The following XKR4 variants were observed in gnomAD, a reference collection of about 807,000 sequenced individuals.
XKR4 encodes the protein XK-related protein 4.
XKR4 carries 12 observed loss-of-function variants against 53.9 expected under a neutral mutation model. The ratio of observed to expected loss-of-function variants is 0.22; its 90% CI spans 0.14 to 0.36. The LOEUF (loss-of-function observed/expected upper bound fraction) is 0.36, where lower values mean the gene tolerates loss of function less well. Among genes scored for constraint, XKR4 ranks in the 10% least tolerant of loss-of-function variants. XKR4 has a pLI of 1.00. For missense variants in XKR4, 799 were observed against 859.5 expected (o/e 0.93, Z 0.88); for synonymous variants, 354 against 362.4 (o/e 0.98, Z 0.26).
intron 2 of XKR4, among the ~76,000 whole-genome samples, chr8:55,419,525 C>T (rs1014581068): frequency 4.6e-5 from 7 of 152,198 alleles, no homozygotes; most frequent in African/African-American, 1.7e-4. Context: ...GTTGTTACTA[C>T]TGAAATTGTA....
At chr8:55,398,748 T>A (rs1804558691) in intron 2 of XKR4, among the ~76,000 whole-genome samples, 1 of 152,192 alleles carries the variant, frequency 6.6e-6, no homozygotes, top group East Asian at 1.9e-4. Context: ...GAAACAGGAC[T>A]TGATAGCAAA....
intron 1 of XKR4, among the ~76,000 whole-genome samples, chr8:55,205,970 G>A (rs559357806): frequency 1.3e-5 from 2 of 152,294 alleles, no homozygotes; most frequent in South Asian, 4.2e-4. Flanking sequence ...GACTTCAGGA[G>A]TCAAGCCACA....
intron 1 of XKR4, among the ~76,000 whole-genome samples, chr8:55,118,068 A>T (rs1816334567): frequency 1.3e-5 from 2 of 152,148 alleles, no homozygotes; most frequent in African/African-American, 4.8e-5. Flanking sequence ...TACCTTATTG[A>T]ATATCTGCGT....
intron 2 of XKR4, among the ~76,000 whole-genome samples, chr8:55,406,092 A>G (rs1804678361): frequency 1.3e-5 from 2 of 152,364 alleles, no homozygotes; most frequent in Admixed American, 1.3e-4. Flanking sequence ...CTCTGAGTGT[A>G]TGAAATCTGA....
At chr8:55,377,958 G>A (rs554759919) in intron 2 of XKR4, among the ~76,000 whole-genome samples, 5 of 152,324 alleles carry the variant, frequency 3.3e-5, no homozygotes, top group East Asian at 3.9e-4. Context: ...TTGTGTGCGC[G>A]TAATACCTAT....
At chr8:55,413,202 C>T (rs531079427) in intron 2 of XKR4, among the ~76,000 whole-genome samples, 17 of 152,276 alleles carry the variant, frequency 1.1e-4, no homozygotes, top group East Asian at 5.8e-4. Flanking sequence ...ATTGATCCTA[C>T]GACAGACATA....
intron 2 of XKR4, among the ~76,000 whole-genome samples, chr8:55,437,856 T>C (rs569290640): frequency 6.6e-6 from 1 of 151,744 alleles, no homozygotes; most frequent in Admixed American, 6.6e-5. Flanking sequence ...GTGTAAATAA[T>C]CATGGCCATC....
intron 1 of XKR4, among the ~76,000 whole-genome samples, chr8:55,137,784 C>G (rs906097042): frequency 2.0e-5 from 3 of 151,966 alleles, no homozygotes; most frequent in African/African-American, 7.3e-5. Context: ...TCTGCCCAGG[C>G]TGGTCTCAAA....
At chr8:55,506,991 G>A (rs1054171172) in intron 2 of XKR4, among the ~76,000 whole-genome samples, 1 of 152,086 alleles carries the variant, frequency 6.6e-6, no homozygotes, top group Non-Finnish European at 1.5e-5. Flanking sequence ...TAGGGTTGTG[G>A]TGTCACTTTT....
At chr8:55,282,161 A>G (rs1489718140) in intron 1 of XKR4, among the ~76,000 whole-genome samples, 1 of 152,226 alleles carries the variant, frequency 6.6e-6, no homozygotes, top group Admixed American at 6.5e-5. Context: ...TAATGATAAT[A>G]CAGTCATGTA....
At position 55,359,628 on chromosome 8, in the gene XKR4, CCTT is replaced by C. The variant is rs1376419619; in HGVS notation, c.1006+1754_1006+1756del. On this transcript the variant is annotated intron_variant, in intron 2 of 2. Coordinates refer to ENST00000327381, the MANE Select transcript of XKR4 (RefSeq NM_052898.2). Reference sequence around the variant, plus strand: ...AGCACACGTGGAGGGTTGCAAGTCACCTTCTGGTGGCCTGAGGTCACTGAGTAT... The same window carrying C: ...AGCACACGTGGAGGGTTGCAAGTCACCTGGTGGCCTGAGGTCACTGAGTAT... Among the ~76,000 whole-genome samples the C allele has an allele frequency of 2.0e-5, 3 of 152,252 alleles. No individual in the cohort carries two copies. In the East Asian group the frequency reaches 5.8e-4, roughly 29 times the overall value.
intron 1 of XKR4, among the ~76,000 whole-genome samples, chr8:55,311,044 C>G (rs1429477942): frequency 6.6e-6 from 1 of 152,202 alleles, no homozygotes; most frequent in African/African-American, 2.4e-5. Context: ...CCAGGCACTA[C>G]CTGCTCCATG....
chr8:55,437,904 A>G (rs1006222418), intron 2 of XKR4, among the ~76,000 whole-genome samples: 1 of 152,072 alleles, frequency 6.6e-6, no homozygotes, highest in Non-Finnish European at 1.5e-5. Context: ...GACCCCAGCT[A>G]CACCCCTTCA....
intron 1 of XKR4, among the ~76,000 whole-genome samples, chr8:55,267,644 G>A (rs1338631854): frequency 6.7e-6 from 1 of 149,430 alleles, no homozygotes; most frequent in Non-Finnish European, 1.5e-5. Context: ...TGATAGTTTG[G>A]TGGGTTTAGG....
intron 1 of XKR4, among the ~76,000 whole-genome samples, chr8:55,215,255 T>A (rs988537945): frequency 1.3e-5 from 2 of 152,188 alleles, no homozygotes; most frequent in Admixed American, 6.5e-5. Context: ...CATGTATAGG[T>A]TGTATGCCTA....
chr8:55,321,749 G>A lies in XKR4; in HGVS notation c.807-35929G>A, dbSNP rs886470069. 3.9e-5 allele frequency among the ~76,000 whole-genome samples: 6 copies of A among 152,134 alleles called. No individual in the cohort carries two copies. In the South Asian group the frequency reaches 6.2e-4, roughly 16 times the overall value. ...CTCATGCCTGTAATCCCAGCACTTC[G>A]GGAGGCCAAGGCAGGTGGATCATGA... is the stretch of plus-strand genomic sequence containing the variant. On this transcript the variant is annotated intron_variant, in intron 1 of 2. Transcript: ENST00000327381.
intron 1 of XKR4, among the ~76,000 whole-genome samples, chr8:55,207,659 C>G (rs1181972135): frequency 1.1e-5 from 1 of 91,840 alleles, no homozygotes; most frequent in Non-Finnish European, 2.3e-5. Flanking sequence ...CGCGCACACA[C>G]ACACACGTCT....
intron 2 of XKR4, among the ~76,000 whole-genome samples, chr8:55,446,316 G>C (rs1351602695): frequency 2.0e-5 from 3 of 152,086 alleles, no homozygotes; most frequent in Non-Finnish European, 4.4e-5. Context: ...TTTGGCGCTG[G>C]GAGACGAATC....
chr8:55,478,780 A>G (rs1806048245), intron 2 of XKR4, among the ~76,000 whole-genome samples: 1 of 152,122 alleles, frequency 6.6e-6, no homozygotes. Flanking sequence ...CTTTAAACCA[A>G]CAGAGATCAA....
Sources: gnomAD v4.1 joint callset for allele counts (sites outside exome capture counted in the v4.1 genomes callset) on GRCh38, gnomAD v4.1.1 for gene constraint, MANE v1.5 for transcripts, NCBI Gene and HGNC (gene_info 2026-07-23, HGNC 2026-07-21) for gene names.